The following TMEM132D variants were observed in gnomAD, a reference collection of about 807,000 sequenced individuals.
The protein encoded by TMEM132D is mature OL transmembrane protein.
A neutral mutation model predicts 62.3 loss-of-function variants in TMEM132D; 21 were observed. The ratio of observed to expected loss-of-function variants is 0.34; its 90% CI spans 0.24 to 0.49. The LOEUF (loss-of-function observed/expected upper bound fraction) is 0.49. Ranked by LOEUF, TMEM132D falls within the 20% of genes least tolerant of loss-of-function variation. The pLI is 0.99. For synonymous variants in TMEM132D, 621 were observed against 575.6 expected (o/e 1.08, Z -1.13); for missense variants, 1,346 against 1,402.8 (o/e 0.96, Z 0.65).
At chr12:129,727,152 T>C (rs1156873651) in intron 1 of TMEM132D, among the ~76,000 whole-genome samples, 2 of 152,268 alleles carry the variant, frequency 1.3e-5, no homozygotes, top group Non-Finnish European at 2.9e-5. Flanking sequence ...TTTTGGTGAC[T>C]TGACAAATGT....
intron 4 of TMEM132D, chr12:129,211,894 A>C (rs912637431): frequency 1.3e-5 from 2 of 152,250 alleles, no homozygotes; most frequent in African/African-American, 4.8e-5. Flanking sequence ...CTAGGCAGGA[A>C]AAATTAGCTT....
intron 2 of TMEM132D, among the ~76,000 whole-genome samples, chr12:129,560,142 T>C (rs1877174426): frequency 1.3e-5 from 2 of 152,230 alleles, no homozygotes. Flanking sequence ...CAACTCTTCA[T>C]AGGTGGGCAC....
intron 1 of TMEM132D, among the ~76,000 whole-genome samples, chr12:129,899,728 A>G (rs1334346481): frequency 6.6e-6 from 1 of 152,202 alleles, no homozygotes; most frequent in African/African-American, 2.4e-5. Context: ...TTGGAATTCT[A>G]CCTTTCTATG....
chr12:129,155,880 C>T (rs1410300022), intron 5 of TMEM132D, among the ~76,000 whole-genome samples: 1 of 152,032 alleles, frequency 6.6e-6, no homozygotes, highest in Non-Finnish European at 1.5e-5. Context: ...GAATCCACTC[C>T]CCCAGTAACC....
chr12:129,799,821 G>A (rs1871704511), intron 1 of TMEM132D, among the ~76,000 whole-genome samples: 1 of 152,170 alleles, frequency 6.6e-6, no homozygotes. Context: ...GCACAGAAGG[G>A]ACTGGGGCTT....
chr12:129,695,535 G>A (rs192743718), intron 2 of TMEM132D, among the ~76,000 whole-genome samples: 1 of 152,310 alleles, frequency 6.6e-6, no homozygotes, highest in Non-Finnish European at 1.5e-5. Flanking sequence ...ACATGTCACT[G>A]GACATTGGTA....
chr12:129,442,081 G>T (rs546559812), intron 3 of TMEM132D, among the ~76,000 whole-genome samples: 1 of 152,234 alleles, frequency 6.6e-6, no homozygotes, highest in African/African-American at 2.4e-5. Flanking sequence ...AACCCCCAGT[G>T]TTACCCAATA....
At chr12:129,279,567 G>T (rs1424726055) in intron 4 of TMEM132D, among the ~76,000 whole-genome samples, 22 of 151,118 alleles carry the variant, frequency 1.5e-4, no homozygotes, top group African/African-American at 5.3e-4. Context: ...TTTTGAGGGG[G>T]GTATAAAATC....
At chr12:129,405,923 T>C (rs958919977) in intron 3 of TMEM132D, among the ~76,000 whole-genome samples, 1 of 152,192 alleles carries the variant, frequency 6.6e-6, no homozygotes, top group Non-Finnish European at 1.5e-5. Context: ...GAAAATCTCA[T>C]CAGATTCTCA....
intron 2 of TMEM132D, among the ~76,000 whole-genome samples, chr12:129,602,553 G>A (rs977979767): frequency 1.3e-5 from 2 of 152,130 alleles, no homozygotes; most frequent in African/African-American, 4.8e-5. Context: ...ATCCAACTCC[G>A]GTGGCAGAAA....
intron 3 of TMEM132D, among the ~76,000 whole-genome samples, chr12:129,402,839 G>C (rs1180484033): frequency 7.0e-6 from 1 of 143,004 alleles, no homozygotes; most frequent in Non-Finnish European, 1.5e-5. Context: ...CTGGGTCCTG[G>C]GGTGGGACAG....
At chr12:129,721,660 A>G (rs182080000) in intron 1 of TMEM132D, among the ~76,000 whole-genome samples, 88 of 152,244 alleles carry the variant, frequency 5.8e-4, no homozygotes, top group Non-Finnish European at 1.0e-3. Flanking sequence ...GGGGGCTTCA[A>G]TGACAGATGA....
intron 1 of TMEM132D, among the ~76,000 whole-genome samples, chr12:129,761,006 C>G (rs888807244): frequency 1.3e-4 from 19 of 151,732 alleles, no homozygotes; most frequent in African/African-American, 4.1e-4. Flanking sequence ...TTTATAAGTT[C>G]TACACATACT....
chr12:129,694,721 G>A (rs1248323592), intron 2 of TMEM132D, among the ~76,000 whole-genome samples: 1 of 152,144 alleles, frequency 6.6e-6, no homozygotes, highest in Non-Finnish European at 1.5e-5. Flanking sequence ...CTATAAATGT[G>A]TTCTGGGCCG....
At chr12:129,492,197 G>C (rs759378912) in intron 3 of TMEM132D, among the ~76,000 whole-genome samples, 2 of 152,102 alleles carry the variant, frequency 1.3e-5, no homozygotes, top group African/African-American at 2.4e-5. Flanking sequence ...ATTAGCAAAT[G>C]TCAGTTTCAA....
chr12:129,348,868 T>C (rs1047936992), intron 3 of TMEM132D, among the ~76,000 whole-genome samples: 11 of 152,258 alleles, frequency 7.2e-5, no homozygotes, highest in East Asian at 1.9e-4. Flanking sequence ...ACAGCTCCCA[T>C]TGGACAACTA....
At chr12:129,672,264 C>A (rs1436077755) in intron 2 of TMEM132D, among the ~76,000 whole-genome samples, 2 of 152,192 alleles carry the variant, frequency 1.3e-5, no homozygotes, top group African/African-American at 4.8e-5. Flanking sequence ...TGGGCAAAAG[C>A]AATGCCCACT....
At chr12:129,404,985 TG>T (rs1458620840) in intron 3 of TMEM132D, among the ~76,000 whole-genome samples, 11 of 152,304 alleles carry the variant, frequency 7.2e-5, no homozygotes, top group Middle Eastern at 3.4e-3. Flanking sequence ...ATAAACTGAC[TG>T]CGGGACCACA....
At chr12:129,140,419 C>G (rs759351672) in intron 5 of TMEM132D, among the ~76,000 whole-genome samples, 19 of 152,216 alleles carry the variant, frequency 1.2e-4, no homozygotes, top group African/African-American at 1.7e-4. Flanking sequence ...GTCCCCTCCC[C>G]AATCCCTGAC....
Sources: gnomAD v4.1 joint callset for allele counts (sites outside exome capture counted in the v4.1 genomes callset) on GRCh38, gnomAD v4.1.1 for gene constraint, MANE v1.5 for transcripts, NCBI Gene and HGNC (gene_info 2026-07-23, HGNC 2026-07-21) for gene names.